Variants in SAMSN1 observed in about 807,000 individuals in gnomAD.
SAMSN1 encodes SAM domain, SH3 domain and nuclear localization signals 1.
SAMSN1 carries 31 observed loss-of-function variants against 42.0 expected under a neutral mutation model. That is an observed-to-expected ratio of 0.74 (90% CI 0.55 to 1.00). The LOEUF (loss-of-function observed/expected upper bound fraction) is 1.00. Ranked by LOEUF, SAMSN1 falls within the 50% of genes least tolerant of loss-of-function variation. SAMSN1 has a pLI of 0.00. For synonymous variants in SAMSN1, 178 were observed against 151.9 expected, an observed-to-expected ratio of 1.17 and a Z score of -1.26; for missense variants, 464 against 439.4, an observed-to-expected ratio of 1.06 and a Z score of -0.50.
chr21:14,650,066 A>G (rs1331141846), intron 1 of SAMSN1, among the ~76,000 whole-genome samples: 1 of 152,166 alleles, frequency 6.6e-6, no homozygotes, highest in Non-Finnish European at 1.5e-5. Context: ...AGAGATAAAG[A>G]GGGATAGGAC....
chr21:14,583,463 G>C, upstream of SAMSN1: 1 of 532,706 alleles, frequency 1.9e-6, no homozygotes, highest in Non-Finnish European at 3.3e-6. Flanking sequence ...GAAACGGGGC[G>C]GTGCATAAAT....
At chr21:14,648,984 G>A (rs970256415) in intron 1 of SAMSN1, among the ~76,000 whole-genome samples, 6 of 151,486 alleles carry the variant, frequency 4.0e-5, no homozygotes, top group African/African-American at 9.7e-5. Flanking sequence ...TGTTTATTGC[G>A]GCATTATTCA....
intron 4 of SAMSN1, among the ~76,000 whole-genome samples, chr21:14,512,001 C>T (rs77241977): frequency 0.14 from 20,446 of 149,692 alleles, 1,478 homozygotes; most frequent in East Asian, 0.25. Context: ...GGAAAGTGGT[C>T]GGGGGAGAAA....
At chr21:14,556,131 C>T (rs918988109) in intron 2 of SAMSN1, among the ~76,000 whole-genome samples, 2 of 152,140 alleles carry the variant, frequency 1.3e-5, no homozygotes, top group African/African-American at 4.8e-5. Context: ...AAGATCATTT[C>T]TATTTCCTTT....
chr21:14,586,357 C>G (rs966051390), upstream of SAMSN1, among the ~76,000 whole-genome samples: 8 of 151,312 alleles, frequency 5.3e-5, no homozygotes, highest in Non-Finnish European at 1.0e-4. Flanking sequence ...TATCCATTAC[C>G]TACATATTTG....
At chr21:14,556,579 A>T (rs1980769376) in intron 2 of SAMSN1, among the ~76,000 whole-genome samples, 1 of 152,194 alleles carries the variant, frequency 6.6e-6, no homozygotes. Flanking sequence ...AAGGGTAATA[A>T]AAGAGCTTCT....
chr21:14,619,273 A>C (rs1426057320), intron 2 of SAMSN1, among the ~76,000 whole-genome samples: 2 of 152,224 alleles, frequency 1.3e-5, no homozygotes, highest in Non-Finnish European at 2.9e-5. Flanking sequence ...CAAAAGGAAA[A>C]ATGTAAATAT....
At chr21:14,582,421 A>T in exon 2 of SAMSN1, 2 of 1,546,866 alleles carry the variant, frequency 1.3e-6, no homozygotes, top group Non-Finnish European at 1.7e-6. Context: ...TCGTGCTAAC[A>T]CTATTCACTT....
At chr21:14,510,012 G>T (rs895918856) in intron 5 of SAMSN1, among the ~76,000 whole-genome samples, 3 of 152,106 alleles carry the variant, frequency 2.0e-5, no homozygotes, top group Non-Finnish European at 4.4e-5. Flanking sequence ...GGTGGCGGGC[G>T]CCTGTAGTCC....
intron 5 of SAMSN1, chr21:14,609,406 A>T (rs774220864): frequency 1.4e-6 from 1 of 707,670 alleles, no homozygotes; most frequent in Admixed American, 2.0e-5. Flanking sequence ...ATGGTGGAAG[A>T]TGTGAATTTT....
chr21:14,558,052 G>A (rs1439571183), intron 2 of SAMSN1, among the ~76,000 whole-genome samples: 2 of 152,268 alleles, frequency 1.3e-5, no homozygotes, highest in African/African-American at 4.8e-5. Context: ...ATAGGTGCTT[G>A]ATTGTTTTTA....
exon 2 of SAMSN1, chr21:14,643,123 A>G (rs1983634721): frequency 5.6e-6 from 4 of 717,154 alleles, no homozygotes; most frequent in Non-Finnish European, 1.0e-5. Flanking sequence ...TAAGCTATCC[A>G]TAGAGCCCTC....
intron 2 of SAMSN1, among the ~76,000 whole-genome samples, chr21:14,637,911 C>T (rs1983505021): frequency 6.6e-6 from 1 of 152,084 alleles, no homozygotes; most frequent in South Asian, 2.1e-4. Context: ...AAAGGAGTTC[C>T]AGTGGTGAGA....
At chr21:14,562,148 T>G (rs546168678) in intron 2 of SAMSN1, among the ~76,000 whole-genome samples, 2 of 152,302 alleles carry the variant, frequency 1.3e-5, no homozygotes, top group African/African-American at 4.8e-5. Context: ...TGGGGAACAA[T>G]TGAAGAACCA....
At chr21:14,517,127 G>A in intron 2 of SAMSN1, 86 bp from the exon 3 acceptor site, 1 of 1,305,196 alleles carries the variant, frequency 7.7e-7, no homozygotes, top group Non-Finnish European at 1.0e-6. Flanking sequence ...AACATTCTGA[G>A]TTTGTGGATT....
At chr21:14,497,792 C>T (rs1384596164) in intron 7 of SAMSN1, among the ~76,000 whole-genome samples, 1 of 152,100 alleles carries the variant, frequency 6.6e-6, no homozygotes, top group Non-Finnish European at 1.5e-5. Context: ...GCAGGAAAGG[C>T]AGTCTGGATG....
At chr21:14,585,628 A>C (rs558027724), upstream of SAMSN1, 28 of 152,294 alleles carry the variant, frequency 1.8e-4, 1 homozygote, top group African/African-American at 6.7e-4. Flanking sequence ...TTAAAGCATG[A>C]TATTGTTAAT....
chr21:14,534,214 A>G (rs539476679), intron 1 of SAMSN1, among the ~76,000 whole-genome samples: 24 of 152,178 alleles, frequency 1.6e-4, no homozygotes, highest in African/African-American at 5.8e-4. Flanking sequence ...CACACTCATT[A>G]TACATATATT....
intron 6 of SAMSN1, among the ~76,000 whole-genome samples, chr21:14,600,685 T>A (rs1982405392): frequency 6.6e-6 from 1 of 152,212 alleles, no homozygotes; most frequent in Non-Finnish European, 1.5e-5. Flanking sequence ...GGATTTCCTC[T>A]TGGCAGAAGG....
Sources: gnomAD v4.1 joint callset for allele counts (sites outside exome capture counted in the v4.1 genomes callset) on GRCh38, gnomAD v4.1.1 for gene constraint, MANE v1.5 for transcripts, NCBI Gene and HGNC (gene_info 2026-07-23, HGNC 2026-07-21) for gene names.